The following PCDHGA4 variants were observed in gnomAD, a reference collection of about 807,000 sequenced individuals.
PCDHGA4 encodes the protein protocadherin gamma-A4.
PCDHGA4 carries 38 observed loss-of-function variants against 54.6 expected under a neutral mutation model. That is an observed-to-expected ratio of 0.70 (90% confidence interval 0.54 to 0.91). The LOEUF (loss-of-function observed/expected upper bound fraction) is 0.91. PCDHGA4 is among the 40% of genes least tolerant of loss of function. The probability of loss-of-function intolerance (pLI) is 0.00; values close to 1 mark genes in which losing one functional copy is unlikely to be tolerated. For synonymous variants in PCDHGA4, 511 were observed against 512.9 expected (o/e 1.00, Z 0.05); for missense variants, 1,298 against 1,220.9 (o/e 1.06, Z -0.94).
rs578223384 is a variant in PCDHGA4 at position 141,400,070 on chromosome 5, C to T, written c.2514+42449C>T. Reference sequence around the variant, plus strand: ...GTTGCTGTGCGTGATGGTGGACAGCCGCCACTCTCCGCCACCGCCACGCTG... The same window carrying T: ...GTTGCTGTGCGTGATGGTGGACAGCTGCCACTCTCCGCCACCGCCACGCTG... On this transcript the variant is annotated intron_variant, in intron 1 of 3. Coordinates refer to ENST00000571252, the MANE Select transcript of PCDHGA4 (RefSeq NM_018917.4). 1.2e-6 allele frequency: 2 copies of T among 1,613,922 alleles called. No individual in the cohort carries two copies. Among genetic ancestry groups the T allele is most frequent in the African/African-American group, 1.3e-5 (1 of 75,062 alleles).
At chr5:141,446,143 T>G (rs2098490523) in intron 1 of PCDHGA4, among the ~76,000 whole-genome samples, 1 of 152,204 alleles carries the variant, frequency 6.6e-6, no homozygotes, top group Admixed American at 6.5e-5. Flanking sequence ...AATAATGGAA[T>G]AGGTGGAATA....
At chr5:141,422,280 C>A in intron 1 of PCDHGA4, 1 of 1,557,754 alleles carries the variant, frequency 6.4e-7, no homozygotes, top group Non-Finnish European at 8.6e-7. Context: ...TAACTATCAC[C>A]TCTTCTATTA....
intron 1 of PCDHGA4, chr5:141,427,862 C>T (rs748112227): frequency 2.6e-6 from 4 of 1,556,778 alleles, no homozygotes; most frequent in East Asian, 4.5e-5. Context: ...TGTGCGCCTT[C>T]GAGCTCACGA....
intron 1 of PCDHGA4, chr5:141,433,331 C>G: frequency 1.4e-6 from 1 of 699,624 alleles, no homozygotes; most frequent in South Asian, 1.9e-5. Context: ...GTAACAGGGA[C>G]TACAGGTGCA....
intron 1 of PCDHGA4, among the ~76,000 whole-genome samples, chr5:141,481,259 C>T (rs1176419744): frequency 1.3e-5 from 2 of 152,146 alleles, no homozygotes; most frequent in African/African-American, 4.8e-5. Context: ...TCTAAAAGAT[C>T]ACTGTAGGAA....
At chr5:141,395,347 C>T in intron 1 of PCDHGA4, 1 of 1,392,780 alleles carries the variant, frequency 7.2e-7, no homozygotes, top group Non-Finnish European at 9.5e-7. Flanking sequence ...TAAGGTGTAT[C>T]ACAGAGTTTT....
At chr5:141,405,316 T>C (rs752153213) in intron 1 of PCDHGA4, 5 of 1,614,232 alleles carry the variant, frequency 3.1e-6, no homozygotes, top group Non-Finnish European at 4.2e-6. Context: ...GTGAGAAAAA[T>C]GAGCCTTTGT....
intron 1 of PCDHGA4, among the ~76,000 whole-genome samples, chr5:141,471,014 G>A (rs2099246573): frequency 6.7e-6 from 1 of 148,628 alleles, no homozygotes; most frequent in Non-Finnish European, 1.5e-5. Context: ...ACTGTGCCTG[G>A]TCAATCATTT....
At chr5:141,369,492 C>T (rs1183800613) in intron 1 of PCDHGA4, among the ~76,000 whole-genome samples, 1 of 151,590 alleles carries the variant, frequency 6.6e-6, no homozygotes, top group Non-Finnish European at 1.5e-5. Context: ...CATAGTGAAA[C>T]CCCACCTCTA....
rs548074156 is a variant in PCDHGA4 at position 141,511,069 on chromosome 5, G to A, written c.2785G>A (p.Gly929Ser). The A allele has an allele frequency of 6.2e-7, 1 of 1,614,230 alleles. No individual in the cohort carries two copies. Among genetic ancestry groups the A allele is most frequent in the Non-Finnish European group, 8.5e-7 (1 of 1,180,034 alleles). ...CTACCGCCAGAATGTCTACATCCCA[G>A]GCAGCAATGCCACACTGACCAACGC... ...PDYRQNVYIP[G>S]SNATLTNAAG... The change falls in exon 4 of 4, where the codon GGC becomes AGC. Residue 929 changes from glycine (G) to serine (S), a missense_variant. Physicochemically the swap from Gly to Ser is moderately conservative, Grantham distance 56 (BLOSUM62 0). Transcript: ENST00000571252.
intron 1 of PCDHGA4, chr5:141,430,854 G>A (rs140440273): frequency 5.0e-6 from 8 of 1,587,648 alleles, no homozygotes; most frequent in Middle Eastern, 1.7e-4. Flanking sequence ...ACCCAGATAC[G>A]CTATTCAGTT....
chr5:141,403,690 T>G, intron 1 of PCDHGA4: 1 of 1,613,908 alleles, frequency 6.2e-7, no homozygotes, highest in Non-Finnish European at 8.5e-7. Context: ...CTCAACGGAT[T>G]TACCGAGTTA....
Position 141,511,376 on chromosome 5 carries a change from G to C in PCDHGA4, c.*203G>C. ...CCAGGGGGTTGAATATGCAAAAGCA[G>C]TTCCGCTGGGAACCCCCATCCAATC... On this transcript the variant is annotated 3_prime_UTR_variant, in exon 4 of 4. Coordinates refer to ENST00000571252, the MANE Select transcript of PCDHGA4 (RefSeq NM_018917.4). 1 of 1,211,520 alleles carries C rather than the reference G, an allele frequency of 8.3e-7. No homozygotes were observed. The allele number at this position is 1,211,520 out of a possible 1,614,324, so 75.0% of individuals were successfully genotyped here.
chr5:141,432,528 A>T lies in PCDHGA4; in HGVS notation c.2515-62279A>T. The T allele has an allele frequency of 1.2e-6, 2 of 1,613,804 alleles. No homozygotes were observed. The highest frequency in any genetic ancestry group is 1.7e-6 in the Non-Finnish European group (2 of 1,180,000). ...GCAGAGCCCGGCTACCTGGTGACCA[A>T]GGTGGTGGCGGTGGACAGAGACTCC... is the stretch of plus-strand genomic sequence containing the variant. On this transcript the variant is annotated intron_variant, in intron 1 of 3. Transcript: ENST00000571252. This position sits in a 1 kb window ranked among gnomAD's most constrained non-coding sequence, Gnocchi z 6.0.
intron 1 of PCDHGA4, chr5:141,395,509 G>C (rs59251876): frequency 0.091 from 39,157 of 428,204 alleles, 2,522 homozygotes; most frequent in African/African-American, 0.18. Flanking sequence ...TTAAGAAGTA[G>C]CTACCCGTCC....
intron 1 of PCDHGA4, chr5:141,394,024 T>C (rs778553318): frequency 6.2e-7 from 1 of 1,613,530 alleles, no homozygotes; most frequent in Non-Finnish European, 8.5e-7. Flanking sequence ...TATTATAGAT[T>C]AGTGACAAGG....
At chr5:141,386,640 A>G (rs1313920703) in intron 1 of PCDHGA4, among the ~76,000 whole-genome samples, 2 of 151,864 alleles carry the variant, frequency 1.3e-5, no homozygotes, top group African/African-American at 4.8e-5. Flanking sequence ...CCCAGGCTGG[A>G]TACATTTTAC....
chr5:141,385,513 A>C (rs1781236036), intron 1 of PCDHGA4: 1 of 1,373,372 alleles, frequency 7.3e-7, no homozygotes, highest in Non-Finnish European at 9.4e-7. Flanking sequence ...CTTTAGTGAA[A>C]GCCTATGGAC....
At chr5:141,360,727 C>T in intron 1 of PCDHGA4, 1 of 1,613,988 alleles carries the variant, frequency 6.2e-7, no homozygotes, top group Non-Finnish European at 8.5e-7. Context: ...GATTCTAAAA[C>T]ACTCTCTGGA....
Sources: allele counts gnomAD v4.1 joint callset (sites outside exome capture counted in the v4.1 genomes callset), GRCh38; gene constraint gnomAD v4.1.1; non-coding constraint Gnocchi (gnomAD v3.1); transcripts MANE v1.5; gene names NCBI Gene and HGNC (gene_info 2026-07-23, HGNC 2026-07-21).